MREG: variants seen among roughly 807,000 people sequenced by gnomAD.
The protein encoded by MREG is melanoregulin.
Under a neutral mutation model 28.5 loss-of-function variants are expected in MREG, and 31 were observed. That is an observed-to-expected ratio of 1.09 (90% CI 0.82 to 1.47). MREG has a LOEUF of 1.47. MREG is among the 40% of genes most tolerant of loss of function. The pLI, the probability that MREG is intolerant of heterozygous loss-of-function variation, is 0.00. For synonymous variants in MREG, 106 were observed against 95.2 expected (o/e 1.11, Z -0.66); for missense variants, 256 against 257.4 (o/e 0.99, Z 0.04).
At chr2:215,964,997 A>G (rs974948301) in intron 2 of MREG, among the ~76,000 whole-genome samples, 1 of 152,182 alleles carries the variant, frequency 6.6e-6, no homozygotes, top group Non-Finnish European at 1.5e-5. Context: ...GTACTTTTCA[A>G]ATTTTCCACA....
chr2:215,971,317 A>T (rs1693089793), intron 2 of MREG, among the ~76,000 whole-genome samples: 1 of 152,336 alleles, frequency 6.6e-6, no homozygotes, highest in South Asian at 2.1e-4. Context: ...TTAAAAAATA[A>T]GAATAAAATA....
At chr2:216,003,533 T>A (rs956031400) in intron 1 of MREG, among the ~76,000 whole-genome samples, 8 of 152,124 alleles carry the variant, frequency 5.3e-5, no homozygotes, top group Non-Finnish European at 8.8e-5. Flanking sequence ...CCTTTAAACA[T>A]CATCTACATG....
chr2:215,992,282 C>A (rs900789201), intron 2 of MREG, among the ~76,000 whole-genome samples: 5 of 152,150 alleles, frequency 3.3e-5, no homozygotes, highest in Non-Finnish European at 7.4e-5. Context: ...ATAAACAGAA[C>A]CAATAACAAA....
At chr2:215,972,513 C>T (rs1693128846) in intron 2 of MREG, among the ~76,000 whole-genome samples, 1 of 150,736 alleles carries the variant, frequency 6.6e-6, no homozygotes. Flanking sequence ...CCTGGTGGTG[C>T]TTGCCTGTAA....
intron 1 of MREG, among the ~76,000 whole-genome samples, chr2:216,029,552 C>A (rs1373908377): frequency 6.6e-6 from 1 of 152,198 alleles, no homozygotes; most frequent in Non-Finnish European, 1.5e-5. Flanking sequence ...GCTTATGCAC[C>A]TCCCCCTGCC....
At chr2:216,001,666 C>T (rs957021192) in intron 1 of MREG, among the ~76,000 whole-genome samples, 3 of 152,114 alleles carry the variant, frequency 2.0e-5, no homozygotes, top group African/African-American at 4.8e-5. Flanking sequence ...AGTGAAAATG[C>T]GCAGGGGCTG....
intron 2 of MREG, among the ~76,000 whole-genome samples, chr2:215,973,334 G>GA (rs746337401): frequency 3.9e-5 from 6 of 152,332 alleles, no homozygotes; most frequent in Non-Finnish European, 8.8e-5. Context: ...AAGCAACGCT[G>GA]AAACCTCATT....
chr2:215,949,315 T>A (rs187417098), intron 2 of MREG, among the ~76,000 whole-genome samples: 58 of 150,548 alleles, frequency 3.9e-4, no homozygotes, highest in African/African-American at 1.3e-3. Context: ...ATCCCAGCAC[T>A]TTGGGAGGCT....
intron 1 of MREG, among the ~76,000 whole-genome samples, chr2:216,009,684 C>T (rs1214841327): frequency 6.6e-6 from 1 of 152,060 alleles, no homozygotes; most frequent in Non-Finnish European, 1.5e-5. Context: ...TACAGGTGCC[C>T]GCCACCACAC....
At chr2:216,024,548 T>C (rs967044953) in intron 1 of MREG, among the ~76,000 whole-genome samples, 6 of 152,020 alleles carry the variant, frequency 3.9e-5, no homozygotes, top group African/African-American at 1.4e-4. Context: ...ACCTGTCCAA[T>C]TGTTGTTAAA....
Position 215,979,029 on chromosome 2 carries a change from C to T in MREG, c.255+17277G>A, listed in dbSNP as rs74426661. On this transcript the variant is annotated intron_variant, in intron 2 of 4. Transcript: ENST00000263268. Reference sequence around the variant, plus strand: ...AATTTGAGCTTCTGTTAAAGCATGCCCTGTGTATGACAATAGCCTAGATGT... The same window carrying T: ...AATTTGAGCTTCTGTTAAAGCATGCTCTGTGTATGACAATAGCCTAGATGT... 4.6e-3 allele frequency among the ~76,000 whole-genome samples: 705 copies of T among 152,150 alleles called. 2 individuals are homozygous for T. The highest frequency in any genetic ancestry group is 0.016 in the African/African-American group (675 of 41,490).
intron 2 of MREG, among the ~76,000 whole-genome samples, chr2:215,948,623 A>G (rs1163308748): frequency 6.6e-6 from 1 of 152,222 alleles, no homozygotes; most frequent in Non-Finnish European, 1.5e-5. Flanking sequence ...CTTCATTGGA[A>G]GGGCCTTATT....
upstream of MREG, among the ~76,000 whole-genome samples, chr2:216,017,523 G>C (rs1386332968): frequency 6.6e-6 from 1 of 152,138 alleles, no homozygotes; most frequent in Admixed American, 6.5e-5. Context: ...CTTTTTTAGA[G>C]TGGCGCTAGA....
chr2:215,959,347 T>TCCCAC (rs3836039), intron 2 of MREG, among the ~76,000 whole-genome samples: 2 of 151,612 alleles, frequency 1.3e-5, no homozygotes, highest in African/African-American at 2.4e-5. Context: ...TCCATCATCC[T>TCCCAC]AAGTCACCCT....
At chr2:215,951,898 T>C (rs896808957) in intron 2 of MREG, among the ~76,000 whole-genome samples, 1 of 152,344 alleles carries the variant, frequency 6.6e-6, no homozygotes, top group Non-Finnish European at 1.5e-5. Flanking sequence ...AAACAACATT[T>C]GATTCTTTAA....
intron 2 of MREG, among the ~76,000 whole-genome samples, chr2:215,994,066 A>G (rs1000090596): frequency 1.8e-4 from 28 of 152,108 alleles, no homozygotes; most frequent in Admixed American, 1.6e-3. Flanking sequence ...TACTGGGTAT[A>G]TACCCAAAGG....
At chr2:215,955,416 T>C (rs530318527) in intron 2 of MREG, among the ~76,000 whole-genome samples, 1 of 152,330 alleles carries the variant, frequency 6.6e-6, no homozygotes, top group Non-Finnish European at 1.5e-5. Context: ...ATGCACTATA[T>C]ACCACCCTTT....
intron 2 of MREG, among the ~76,000 whole-genome samples, chr2:215,972,944 T>A (rs1007885053): frequency 6.6e-6 from 1 of 152,004 alleles, no homozygotes; most frequent in African/African-American, 2.4e-5. Flanking sequence ...TTTTAACAAT[T>A]CCCAGGTGAG....
intron 1 of MREG, among the ~76,000 whole-genome samples, chr2:216,030,119 G>A (rs1559203321): frequency 6.6e-6 from 1 of 152,110 alleles, no homozygotes; most frequent in Non-Finnish European, 1.5e-5. Flanking sequence ...TTTCAAATTT[G>A]TTCTAAAATA....
Sources: gnomAD v4.1 joint callset for allele counts (sites outside exome capture counted in the v4.1 genomes callset) on GRCh38, gnomAD v4.1.1 for gene constraint, MANE v1.5 for transcripts, NCBI Gene and HGNC (gene_info 2026-07-23, HGNC 2026-07-21) for gene names.